The following FBXL3 variants were observed in gnomAD, a reference collection of about 807,000 sequenced individuals.
FBXL3 encodes the protein F-box and leucine rich repeat protein 3.
In FBXL3, 14 loss-of-function variants were observed where a neutral mutation model predicts 37.9. That is an observed-to-expected ratio of 0.37 (90% CI 0.24 to 0.58). The LOEUF is 0.58. Among genes scored for constraint, FBXL3 ranks in the 20% least tolerant of loss-of-function variants. FBXL3 has a pLI of 0.74. For synonymous variants in FBXL3, 194 were observed against 180.1 expected (o/e 1.08, Z -0.62); for missense variants, 327 against 511.1 (o/e 0.64, Z 3.47).
At position 77,006,902 on chromosome 13, in the gene FBXL3, T is replaced by G; in HGVS notation, c.*243A>C. ...CTGTTTAATACGTATAACTGGTTAT[T>G]TCACATCCGAACCACATTAAAAAAA... On this transcript the variant is annotated 3_prime_UTR_variant, in exon 5 of 5. Transcript: ENST00000355619. The G allele has an allele frequency of 2.3e-6, 3 of 1,329,502 alleles. No individual in the cohort carries two copies. The highest frequency in any genetic ancestry group is 2.9e-6 in the Non-Finnish European group (3 of 1,040,488). The allele number at this position is 1,329,502 out of a possible 1,614,324, so 82.4% of individuals were successfully genotyped here.
At chr13:77,026,746 C>A (rs2034849613) in intron 1 of FBXL3, 81 bp downstream of exon 1, 1 of 147,562 alleles carries the variant, frequency 6.8e-6, no homozygotes, top group Non-Finnish European at 1.5e-5. Flanking sequence ...CCACCCCACC[C>A]CGGCCCGCCC....
chr13:77,009,676 A>G (rs2034514297), intron 4 of FBXL3: 1 of 152,252 alleles, frequency 6.6e-6, no homozygotes, highest in African/African-American at 2.4e-5. Flanking sequence ...TAGTTCAACC[A>G]TTGTGGAAGA....
In FBXL3 at chr13:77,023,333, GGA is replaced by G. The variant is rs576180258; in HGVS notation, c.-1-1474_-1-1473del. ...CCCGACTCTATTTTTGCTTTAAAATGGAGAGAGAGAGAGTGTGTGTGTGTGTG... is the reference window on the plus strand; with the variant it reads ...CCCGACTCTATTTTTGCTTTAAAATGGAGAGAGAGAGTGTGTGTGTGTGTG... On this transcript the variant is annotated intron_variant, in intron 1 of 4. Transcript: ENST00000355619. Among the ~76,000 whole-genome samples the G allele has an allele frequency of 2.7e-3, 394 of 147,538 alleles. 2 individuals are homozygous for G. Among genetic ancestry groups the G allele is most frequent in the African/African-American group, 8.2e-3 (312 of 38,014 alleles).
At position 77,006,298 on chromosome 13, in the gene FBXL3, T is replaced by C. The variant is rs894623837; in HGVS notation, c.*847A>G. The C allele has an allele frequency of 3.9e-5, 6 of 152,140 alleles. No individual in the cohort carries two copies. The highest frequency in any genetic ancestry group is 7.4e-5 in the Non-Finnish European group (5 of 67,964). 9.4% of individuals were successfully genotyped at this position (152,140 alleles called of 1,614,324 possible). Reference sequence around the variant, plus strand: ...TTTAAATTTGGCTTTTTAAAATAGGTAAGCTTTTCATTTCAATTATTGTTT... The same window carrying C: ...TTTAAATTTGGCTTTTTAAAATAGGCAAGCTTTTCATTTCAATTATTGTTT... On this transcript the variant is annotated 3_prime_UTR_variant, in exon 5 of 5. Coordinates refer to ENST00000355619, the MANE Select transcript of FBXL3 (RefSeq NM_012158.4).
At position 77,007,262 on chromosome 13, in the gene FBXL3, T is replaced by C; in HGVS notation, c.1170A>G (p.Leu390=). ...GAATTAGTACTTCTTCCATAATGGA[T>C]AATTGAGATAGGCGGCCACCACACA... ...VKMCGGRLSQ[L]SIMEEVLIPD... is the part of the protein sequence containing the mutation. The change falls in exon 5 of 5, where the codon TTA becomes TTG. Residue 390 remains leucine (L), a synonymous_variant. Coordinates refer to ENST00000355619, the MANE Select transcript of FBXL3 (RefSeq NM_012158.4). The C allele has an allele frequency of 6.2e-7, 1 of 1,614,174 alleles. No individual in the cohort carries two copies. The highest frequency in any genetic ancestry group is 8.5e-7 in the Non-Finnish European group (1 of 1,180,032).
chr13:77,017,367 G>C (rs1018515363), intron 3 of FBXL3: 1 of 152,086 alleles, frequency 6.6e-6, no homozygotes, highest in African/African-American at 2.4e-5. Context: ...TTTTAGCTAT[G>C]GTAGGTACAC....
chr13:77,017,332 A>G (rs1361369956), intron 3 of FBXL3: 10 of 152,230 alleles, frequency 6.6e-5, no homozygotes, highest in African/African-American at 1.4e-4. Context: ...CATACATACC[A>G]TATGAGTCAG....
chr13:77,025,154 A>G (rs1281066640), intron 1 of FBXL3, among the ~76,000 whole-genome samples: 1 of 152,176 alleles, frequency 6.6e-6, no homozygotes, highest in Non-Finnish European at 1.5e-5. Context: ...AACACCTCCT[A>G]TATTTGAAAA....
At chr13:77,012,358 ACTT>A (rs930368701) in intron 4 of FBXL3, among the ~76,000 whole-genome samples, 27 of 152,322 alleles carry the variant, frequency 1.8e-4, no homozygotes, top group African/African-American at 5.8e-4. Flanking sequence ...TTGTCCTAGG[ACTT>A]CCACTTCTTA....
chr13:77,012,569 C>CCTCT (rs1448376469), intron 4 of FBXL3, among the ~76,000 whole-genome samples: 2 of 151,988 alleles, frequency 1.3e-5, no homozygotes, highest in African/African-American at 2.4e-5. Context: ...GGCAAACTAA[C>CCTCT]CTAGAGGTCC....
In FBXL3 at chr13:77,006,946, T is replaced by C; in HGVS notation, c.*199A>G. On this transcript the variant is annotated 3_prime_UTR_variant, in exon 5 of 5. Transcript: ENST00000355619. The stretch of plus-strand genomic sequence containing the variant: ...AAAAAAAATTCGGAGATATGACTGC[T>C]ATTACACTAAGGAAACAAGTGGAAT... 2 of 1,401,960 alleles carry C rather than the reference T, an allele frequency of 1.4e-6. No homozygotes were observed. The highest frequency in any genetic ancestry group is 1.7e-5 in the South Asian group (1 of 58,796). 86.8% of individuals were successfully genotyped at this position (1,401,960 alleles called of 1,614,324 possible). A position where few individuals can be genotyped will look rare whatever the true frequency, so the allele number is the denominator to read the frequency against.
intron 3 of FBXL3, chr13:77,017,438 G>GT (rs1411796070): frequency 6.6e-6 from 1 of 152,184 alleles, no homozygotes; most frequent in Non-Finnish European, 1.5e-5. Flanking sequence ...GCTATACCAT[G>GT]TAACTAGTAT....
intron 4 of FBXL3, chr13:77,009,208 A>C (rs1414750755): frequency 6.6e-6 from 1 of 152,266 alleles, no homozygotes; most frequent in Non-Finnish European, 1.5e-5. Context: ...CAGTGGGAAA[A>C]GATAGGCATT....
At chr13:77,026,731 C>G (rs1316262745) in intron 1 of FBXL3, 96 bp downstream of exon 1, 3 of 128,774 alleles carry the variant, frequency 2.3e-5, no homozygotes, top group Non-Finnish European at 5.0e-5. Context: ...GCGCCCCCCC[C>G]CACCCCACCC....
At chr13:77,023,345 A>AGAGAGAGTGTGT (rs199568005) in intron 1 of FBXL3, among the ~76,000 whole-genome samples, 154 of 147,594 alleles carry the variant, frequency 1.0e-3, no homozygotes, top group Middle Eastern at 6.9e-3. Context: ...AGAGAGAGAG[A>AGAGAGAGTGTGT]GTGTGTGTGT....
In FBXL3 at chr13:77,006,822, A is replaced by G. The variant is rs1160132982; in HGVS notation, c.*323T>C. 5 of 1,064,552 alleles carry G rather than the reference A, an allele frequency of 4.7e-6. No homozygotes were observed. The African/African-American group carries it at 5.0e-5, about 11-fold the overall frequency. The allele number at this position is 1,064,552 out of a possible 1,614,324, so 65.9% of individuals were successfully genotyped here. A position where few individuals can be genotyped will look rare whatever the true frequency, so the allele number is the denominator to read the frequency against. ...GAGAATATAACATTTCAGAAAACCT[A>G]TTAGTACTTCTTGGATATTATAACA... On this transcript the variant is annotated 3_prime_UTR_variant, in exon 5 of 5. Coordinates refer to ENST00000355619, the MANE Select transcript of FBXL3 (RefSeq NM_012158.4).
At position 77,005,961 on chromosome 13, in the gene FBXL3, C is replaced by G. The variant is rs767380321; in HGVS notation, c.*1184G>C. The G allele has an allele frequency of 6.6e-6, 1 of 152,526 alleles. No individual in the cohort carries two copies. The highest frequency in any genetic ancestry group is 1.5e-5 in the Non-Finnish European group (1 of 67,966). The allele number at this position is 152,526 out of a possible 1,614,324, so 9.4% of individuals were successfully genotyped here. A position where few individuals can be genotyped will look rare whatever the true frequency, so the allele number is the denominator to read the frequency against. On this transcript the variant is annotated 3_prime_UTR_variant, in exon 5 of 5. Transcript: ENST00000355619. Reference sequence around the variant, plus strand: ...GAAAGTAATATAAAATGTTACCTAACTTAAATAATATAAAATATCGGTTTA... The same window carrying G: ...GAAAGTAATATAAAATGTTACCTAAGTTAAATAATATAAAATATCGGTTTA...
At chr13:77,019,462 A>G (rs1285323791) in intron 2 of FBXL3, among the ~76,000 whole-genome samples, 1 of 152,240 alleles carries the variant, frequency 6.6e-6, no homozygotes, top group Non-Finnish European at 1.5e-5. Flanking sequence ...CATATACACT[A>G]CTTTATCCCA....
At chr13:77,019,585 T>C (rs543672691) in intron 2 of FBXL3, among the ~76,000 whole-genome samples, 1 of 152,238 alleles carries the variant, frequency 6.6e-6, no homozygotes, top group African/African-American at 2.4e-5. Flanking sequence ...CCTGGGAACT[T>C]AAATGGGAAC....
Sources: allele counts gnomAD v4.1 joint callset (sites outside exome capture counted in the v4.1 genomes callset), GRCh38; gene constraint gnomAD v4.1.1; transcripts MANE v1.5; gene names NCBI Gene and HGNC (gene_info 2026-07-23, HGNC 2026-07-21).